Variants in FAM174B observed in about 807,000 individuals in gnomAD.
FAM174B encodes the protein membrane protein FAM174B.
Under a neutral mutation model 10.9 loss-of-function variants are expected in FAM174B, and 12 were observed. The ratio of observed to expected loss-of-function variants is 1.10; its 90% CI spans 0.71 to 1.79. The LOEUF (loss-of-function observed/expected upper bound fraction) is 1.79. Among genes scored for constraint, FAM174B ranks in the 40% most tolerant of loss-of-function variants. The probability of loss-of-function intolerance (pLI) is 0.00; values close to 1 mark genes in which losing one functional copy is unlikely to be tolerated. For synonymous variants in FAM174B, 132 were observed against 115.8 expected, an observed-to-expected ratio of 1.14 and a Z score of -0.90; for missense variants, 266 against 233.3, an observed-to-expected ratio of 1.14 and a Z score of -0.91.
chr15:92,636,953 A>G (rs2050860011), intron 1 of FAM174B, among the ~76,000 whole-genome samples: 1 of 152,220 alleles, frequency 6.6e-6, no homozygotes, highest in Non-Finnish European at 1.5e-5. Context: ...CACTTCTAAC[A>G]AACCCTTCCT....
intron 1 of FAM174B, among the ~76,000 whole-genome samples, chr15:92,632,985 C>T (rs2050829420): frequency 6.6e-6 from 1 of 152,156 alleles, no homozygotes; most frequent in African/African-American, 2.4e-5. Context: ...GGGAATAACA[C>T]TATTAGTGTG....
At chr15:92,641,079 C>CAT (rs2050888793) in intron 1 of FAM174B, among the ~76,000 whole-genome samples, 1 of 152,056 alleles carries the variant, frequency 6.6e-6, no homozygotes, top group African/African-American at 2.4e-5. Context: ...CACACACACA[C>CAT]ACACAAACCT....
chr15:92,617,868 G>GC lies in FAM174B; in HGVS notation c.*1587dup. 1 of 456,076 alleles carries GC rather than the reference G, an allele frequency of 2.2e-6. No homozygotes were observed. The highest frequency in any genetic ancestry group is 4.5e-5 in the South Asian group (1 of 22,124). The allele number at this position is 456,076 out of a possible 1,614,324, so 28.3% of individuals were successfully genotyped here. On this transcript the variant is annotated 3_prime_UTR_variant, in exon 3 of 3. Coordinates refer to ENST00000327355, the MANE Select transcript of FAM174B (RefSeq NM_207446.3). ...TGCAGGGAGCAGAGACTACACGCAG[G>GC]CCCCCCGTGGCTGGCAATACCATGC...
chr15:92,621,118 T>C (rs1318582389), intron 2 of FAM174B, among the ~76,000 whole-genome samples: 2 of 152,196 alleles, frequency 1.3e-5, no homozygotes, highest in Admixed American at 6.5e-5. Flanking sequence ...GAAAGGGCCA[T>C]GGTATACATA....
intron 2 of FAM174B, among the ~76,000 whole-genome samples, chr15:92,620,716 A>G (rs1361034128): frequency 1.3e-5 from 2 of 148,404 alleles, no homozygotes; most frequent in African/African-American, 5.0e-5. Context: ...TTGGGAGGCT[A>G]AGGCATGAGA....
intron 1 of FAM174B, among the ~76,000 whole-genome samples, chr15:92,636,997 G>T (rs1366800036): frequency 6.6e-6 from 1 of 152,190 alleles, no homozygotes; most frequent in Non-Finnish European, 1.5e-5. Flanking sequence ...CTGGTTTGCA[G>T]CCAGCCCACG....
In FAM174B at chr15:92,630,881, A is replaced by G. The variant is rs186370288; in HGVS notation, c.345-536T>C. On this transcript the variant is annotated intron_variant, in intron 1 of 2. Coordinates refer to ENST00000327355, the MANE Select transcript of FAM174B (RefSeq NM_207446.3). ...TTACATATTACATATTATATATTAT[A>G]TATTACGTATTACATATTACATATT... is the stretch of plus-strand genomic sequence containing the variant. Among the ~76,000 whole-genome samples, 390 of 48,588 alleles carry G rather than the reference A, an allele frequency of 8.0e-3. 3 individuals are homozygous for G. Among genetic ancestry groups the G allele is most frequent in the Middle Eastern group, 0.038 (2 of 52 alleles). 31.9% of individuals were successfully genotyped at this position (48,588 alleles called of 152,430 possible). A position where few individuals can be genotyped will look rare whatever the true frequency, so the allele number is the denominator to read the frequency against.
intron 1 of FAM174B, among the ~76,000 whole-genome samples, chr15:92,635,635 C>G (rs1596299095): frequency 6.8e-6 from 1 of 147,938 alleles, no homozygotes; most frequent in East Asian, 2.0e-4. Flanking sequence ...GGCTGGAGTG[C>G]AGTGGCACAA....
chr15:92,648,619 C>T (rs2050944433), intron 1 of FAM174B, among the ~76,000 whole-genome samples: 1 of 152,156 alleles, frequency 6.6e-6, no homozygotes, highest in Non-Finnish European at 1.5e-5. Flanking sequence ...CCACTCTGGG[C>T]CTCAGTTTTC....
In FAM174B at chr15:92,617,868, G is replaced by A; in HGVS notation, c.*1588C>T. On this transcript the variant is annotated 3_prime_UTR_variant, in exon 3 of 3. Coordinates refer to ENST00000327355, the MANE Select transcript of FAM174B (RefSeq NM_207446.3). ...TGCAGGGAGCAGAGACTACACGCAG[G>A]CCCCCCGTGGCTGGCAATACCATGC... The A allele has an allele frequency of 8.8e-6, 4 of 456,076 alleles. No individual in the cohort carries two copies. The highest frequency in any genetic ancestry group is 1.5e-5 in the Non-Finnish European group (4 of 260,428). 28.3% of individuals were successfully genotyped at this position (456,076 alleles called of 1,614,324 possible).
intron 1 of FAM174B, among the ~76,000 whole-genome samples, chr15:92,630,563 T>C (rs2141953135): frequency 6.6e-6 from 1 of 151,970 alleles, no homozygotes; most frequent in South Asian, 2.1e-4. Context: ...AACACCCTGC[T>C]GCCCCACTTA....
At chr15:92,620,963 T>A (rs1567041859) in intron 2 of FAM174B, among the ~76,000 whole-genome samples, 1 of 151,876 alleles carries the variant, frequency 6.6e-6, no homozygotes, top group Non-Finnish European at 1.5e-5. Context: ...TGAGCAAAAA[T>A]AACAAAGATT....
intron 2 of FAM174B, among the ~76,000 whole-genome samples, chr15:92,629,446 G>T (rs117209750): frequency 6.6e-6 from 1 of 152,066 alleles, no homozygotes; most frequent in African/African-American, 2.4e-5. Context: ...AAGCAGGAAC[G>T]CCACCCACCC....
chr15:92,620,188 C>A (rs768024530), intron 2 of FAM174B, among the ~76,000 whole-genome samples: 1 of 152,280 alleles, frequency 6.6e-6, no homozygotes. Flanking sequence ...CGGGCCCACA[C>A]CACAGTGTCA....
chr15:92,652,781 C>A (rs973871114), intron 1 of FAM174B, among the ~76,000 whole-genome samples: 3 of 152,050 alleles, frequency 2.0e-5, no homozygotes, highest in Non-Finnish European at 4.4e-5. Context: ...TTCCAGGACT[C>A]GGTGCCCGCA....
intron 1 of FAM174B, among the ~76,000 whole-genome samples, chr15:92,646,512 G>GACAGCAATTTGGAATCTC (rs2050928738): frequency 6.6e-6 from 1 of 152,088 alleles, no homozygotes; most frequent in Non-Finnish European, 1.5e-5. Context: ...CAAGGCTATT[G>GACAGCAATTTGGAATCTC]ACAGCAATTT....
chr15:92,645,740 A>T (rs1235428530), intron 1 of FAM174B: 1 of 152,278 alleles, frequency 6.6e-6, no homozygotes. Flanking sequence ...TGGTGGACCC[A>T]GGGGACCTGA....
chr15:92,631,368 T>TATATATAATATATTATATATTATATA (rs2050811561), intron 1 of FAM174B, among the ~76,000 whole-genome samples: 1 of 18,724 alleles, frequency 5.3e-5, no homozygotes, highest in Admixed American at 9.6e-4. Context: ...TATATTATAT[T>TATATATAATATATTATATATTATATA]ATATATAATA....
chr15:92,627,414 A>C (rs1393497954), intron 2 of FAM174B: 2 of 169,782 alleles, frequency 1.2e-5, no homozygotes, highest in Admixed American at 6.4e-5. Flanking sequence ...GAAGTTTCTT[A>C]ATGTGACACT....
Sources: gnomAD v4.1 joint callset for allele counts (sites outside exome capture counted in the v4.1 genomes callset) on GRCh38, gnomAD v4.1.1 for gene constraint, MANE v1.5 for transcripts, NCBI Gene and HGNC (gene_info 2026-07-23, HGNC 2026-07-21) for gene names.